LRMDA: variants seen among roughly 807,000 people sequenced by gnomAD.
LRMDA encodes the protein leucine rich melanocyte differentiation associated.
Under a neutral mutation model 29.8 loss-of-function variants are expected in LRMDA, and 18 were observed. The ratio of observed to expected loss-of-function variants is 0.60; its 90% CI spans 0.42 to 0.90. The LOEUF is 0.90. Among genes scored for constraint, LRMDA ranks in the 40% least tolerant of loss-of-function variants. LRMDA has a pLI of 0.00. For synonymous variants in LRMDA, 125 were observed against 109.4 expected (o/e 1.14, Z -0.89); for missense variants, 273 against 273.9 (o/e 1.00, Z 0.02).
At chr10:76,090,316 G>A (rs1849210215) in intron 5 of LRMDA, among the ~76,000 whole-genome samples, 2 of 152,178 alleles carry the variant, frequency 1.3e-5, no homozygotes, top group African/African-American at 2.4e-5. Flanking sequence ...GGCTAGGTTT[G>A]GGTTGGGGAT....
chr10:76,148,339 T>C (rs938966398), intron 5 of LRMDA, among the ~76,000 whole-genome samples: 4 of 152,212 alleles, frequency 2.6e-5, no homozygotes, highest in African/African-American at 9.7e-5. Context: ...TCCACCCAGT[T>C]CTAGCTTCCC....
intron 2 of LRMDA, among the ~76,000 whole-genome samples, chr10:75,553,839 TG>T (rs1394753394): frequency 6.6e-6 from 1 of 152,034 alleles, no homozygotes; most frequent in Non-Finnish European, 1.5e-5. Flanking sequence ...TTTTATCTGT[TG>T]TTTGGTCTTA....
chr10:75,530,414 T>C (rs1449983057), intron 2 of LRMDA, among the ~76,000 whole-genome samples: 1 of 152,174 alleles, frequency 6.6e-6, no homozygotes, highest in African/African-American at 2.4e-5. Context: ...CGGCAATGCA[T>C]GGAGCACCTT....
intron 2 of LRMDA, among the ~76,000 whole-genome samples, chr10:75,930,476 C>T (rs1302653302): frequency 3.9e-5 from 6 of 151,988 alleles, no homozygotes; most frequent in African/African-American, 1.5e-4. Flanking sequence ...TGACAGAGGT[C>T]AACTCCTAGA....
At position 76,135,097 on chromosome 10, in the gene LRMDA, A is replaced by T. The variant is rs58744412; in HGVS notation, c.516+76314A>T. Among the ~76,000 whole-genome samples, 771 of 152,358 alleles carry T rather than the reference A, an allele frequency of 5.1e-3. 5 individuals are homozygous for T. Among genetic ancestry groups the T allele is most frequent in the African/African-American group, 0.017 (698 of 41,584 alleles). Reference sequence around the variant, plus strand: ...GATGAGATAACAGTGACAGGTAAATAATCATCATGATATCAAATGTTTTTA... The same window carrying T: ...GATGAGATAACAGTGACAGGTAAATTATCATCATGATATCAAATGTTTTTA... On this transcript the variant is annotated intron_variant, in intron 5 of 6. Coordinates refer to ENST00000611255, the MANE Select transcript of LRMDA (RefSeq NM_001305581.2).
chr10:76,336,440 TAA>T (rs1200903924), intron 6 of LRMDA, among the ~76,000 whole-genome samples: 4 of 152,014 alleles, frequency 2.6e-5, no homozygotes, highest in African/African-American at 9.7e-5. Context: ...AGCATGAAAA[TAA>T]AAGAGTACAG....
At chr10:76,132,956 CCACGCCCGGCT>C (rs1418990850) in intron 5 of LRMDA, among the ~76,000 whole-genome samples, 3 of 148,526 alleles carry the variant, frequency 2.0e-5, no homozygotes, top group African/African-American at 7.5e-5. Flanking sequence ...GCATCCACCA[CCACGCCCGGCT>C]TTTTTTTTTT....
intron 2 of LRMDA, among the ~76,000 whole-genome samples, chr10:75,572,995 T>C (rs932362267): frequency 6.6e-6 from 1 of 152,242 alleles, no homozygotes; most frequent in Non-Finnish European, 1.5e-5. Context: ...ACATTGATCA[T>C]GGACTTCTAG....
At chr10:76,533,781 G>A (rs977215123) in intron 6 of LRMDA, among the ~76,000 whole-genome samples, 5 of 152,152 alleles carry the variant, frequency 3.3e-5, no homozygotes, top group Non-Finnish European at 5.9e-5. Context: ...GGCAAAATAT[G>A]TCATCAATGT....
chr10:76,247,365 A>G (rs1259256705), intron 5 of LRMDA, among the ~76,000 whole-genome samples: 1 of 152,174 alleles, frequency 6.6e-6, no homozygotes. Flanking sequence ...TGGGCGAGGT[A>G]GTCTGGCTAT....
intron 2 of LRMDA, among the ~76,000 whole-genome samples, chr10:75,952,741 T>C (rs952080243): frequency 6.6e-6 from 1 of 152,202 alleles, no homozygotes; most frequent in African/African-American, 2.4e-5. Flanking sequence ...TCTTGGAATA[T>C]TTTTTTCTTA....
At chr10:75,588,787 G>A (rs1840685928) in intron 2 of LRMDA, among the ~76,000 whole-genome samples, 2 of 151,932 alleles carry the variant, frequency 1.3e-5, no homozygotes, top group Admixed American at 1.3e-4. Context: ...TATTTTTTCA[G>A]AGTTTCTAAA....
In LRMDA at chr10:76,115,307, A is replaced by G. The variant is rs58641938; in HGVS notation, c.516+56524A>G. Among the ~76,000 whole-genome samples, 700 of 152,370 alleles carry G rather than the reference A, an allele frequency of 4.6e-3. 6 individuals are homozygous for G. Among genetic ancestry groups the G allele is most frequent in the African/African-American group, 0.016 (654 of 41,600 alleles). ...CTTCATTTGACTCTTCAGTACAAGC[A>G]CAGATGTGCGATTCCCTGCCTTCCC... On this transcript the variant is annotated intron_variant, in intron 5 of 6. Transcript: ENST00000611255.
At chr10:76,273,955 A>C (rs916476280) in intron 5 of LRMDA, among the ~76,000 whole-genome samples, 3 of 152,172 alleles carry the variant, frequency 2.0e-5, no homozygotes, top group African/African-American at 7.2e-5. Flanking sequence ...GGATTTTTAC[A>C]TACTACCTTT....
rs140388565 is a variant in LRMDA, at chr10:76,022,933, G to T, written c.132-13075G>T. On this transcript the variant is annotated intron_variant, in intron 2 of 6. Coordinates refer to ENST00000611255, the MANE Select transcript of LRMDA (RefSeq NM_001305581.2). ...ATAAACTTTTTGATGACTTATAGAG[G>T]TAATAAAATCAAACTTTCTTCTTCT... 3.8e-3 allele frequency among the ~76,000 whole-genome samples: 579 copies of T among 152,212 alleles called. 4 individuals are homozygous for T. The highest frequency in any genetic ancestry group is 0.011 in the African/African-American group (469 of 41,514).
At chr10:76,186,532 T>C (rs1001586495) in intron 5 of LRMDA, among the ~76,000 whole-genome samples, 16 of 152,320 alleles carry the variant, frequency 1.1e-4, no homozygotes, top group African/African-American at 3.4e-4. Context: ...CTGGTGGCAA[T>C]AGGTTTCCTC....
At chr10:76,478,366 C>A (rs60487291) in intron 6 of LRMDA, among the ~76,000 whole-genome samples, 109,740 of 151,314 alleles carry the variant, frequency 0.73, 40,511 homozygotes, top group Non-Finnish European at 0.81. Context: ...CACACCAGTT[C>A]GAATGTCGAT....
At chr10:76,458,806 C>T (rs972622472) in intron 6 of LRMDA, among the ~76,000 whole-genome samples, 3 of 152,008 alleles carry the variant, frequency 2.0e-5, no homozygotes, top group Non-Finnish European at 4.4e-5. Context: ...TAAGGAGGTC[C>T]CTAGTAGGCA....
At chr10:75,629,398 C>CT (rs1371265106) in intron 2 of LRMDA, among the ~76,000 whole-genome samples, 1 of 152,172 alleles carries the variant, frequency 6.6e-6, no homozygotes, top group Non-Finnish European at 1.5e-5. Flanking sequence ...GGGTCCTCAA[C>CT]TTTGTAATTT....
Sources: gnomAD v4.1 joint callset for allele counts (sites outside exome capture counted in the v4.1 genomes callset) on GRCh38, gnomAD v4.1.1 for gene constraint, MANE v1.5 for transcripts, NCBI Gene and HGNC (gene_info 2026-07-23, HGNC 2026-07-21) for gene names.